Variants in TRPC4 observed in about 807,000 individuals in gnomAD.
The protein encoded by TRPC4 is short transient receptor potential channel 4.
Under a neutral mutation model 99.4 loss-of-function variants are expected in TRPC4, and 49 were observed. The ratio of observed to expected loss-of-function variants is 0.49; its 90% CI spans 0.39 to 0.63. The LOEUF is 0.63. Ranked by LOEUF, TRPC4 falls within the 20% of genes least tolerant of loss-of-function variation. The pLI is 0.00. For missense variants in TRPC4, 898 were observed against 1,152.9 expected (o/e 0.78, Z 3.20); for synonymous variants, 454 against 425.9 (o/e 1.07, Z -0.81).
intron 3 of TRPC4, among the ~76,000 whole-genome samples, chr13:37,701,370 C>A (rs1198359255): frequency 6.6e-6 from 1 of 152,124 alleles, no homozygotes; most frequent in Non-Finnish European, 1.5e-5. Context: ...CTCTCCAGCT[C>A]CTCTGCCATC....
intron 2 of TRPC4, among the ~76,000 whole-genome samples, chr13:37,760,473 A>T (rs974873663): frequency 3.3e-5 from 5 of 151,972 alleles, no homozygotes; most frequent in Non-Finnish European, 7.4e-5. Flanking sequence ...ACTTTCCTAC[A>T]AGTCAAGAGG....
chr13:37,812,525 A>T (rs1957732714), intron 1 of TRPC4, among the ~76,000 whole-genome samples: 1 of 152,038 alleles, frequency 6.6e-6, no homozygotes, highest in Non-Finnish European at 1.5e-5. Flanking sequence ...TCAATGGCAG[A>T]TTAGATATTG....
chr13:37,860,894 T>C (rs1959266007), intron 1 of TRPC4, among the ~76,000 whole-genome samples: 1 of 151,462 alleles, frequency 6.6e-6, no homozygotes. Context: ...GCAGTCGCTG[T>C]CTTCGGTTTA....
intron 8 of TRPC4, among the ~76,000 whole-genome samples, chr13:37,650,702 A>G (rs1403876472): frequency 6.6e-6 from 1 of 151,894 alleles, no homozygotes; most frequent in African/African-American, 2.4e-5. Context: ...CAACATGTTG[A>G]GTAATTACAC....
chr13:37,833,356 G>T (rs1263258221), intron 1 of TRPC4, among the ~76,000 whole-genome samples: 1 of 152,170 alleles, frequency 6.6e-6, no homozygotes, highest in African/African-American at 2.4e-5. Context: ...GCTTGGACAA[G>T]CTATTTGATA....
intron 1 of TRPC4, among the ~76,000 whole-genome samples, chr13:37,865,401 G>A (rs995427871): frequency 1.3e-5 from 2 of 151,420 alleles, no homozygotes; most frequent in Admixed American, 6.6e-5. Flanking sequence ...AAGCTCATGA[G>A]TATTTCTAAA....
At chr13:37,696,185 T>G (rs1953898524) in intron 3 of TRPC4, among the ~76,000 whole-genome samples, 5 of 152,038 alleles carry the variant, frequency 3.3e-5, no homozygotes, top group Admixed American at 3.3e-4. Context: ...TCAGATCTCA[T>G]GAGACTTATT....
rs147184470 is a variant in TRPC4 at position 37,635,121 on chromosome 13, G to T, written c.*1782C>A. ...ATTTTATATTTTGCACACTTCTCTT[G>T]CTTTAGAAGAAGGGACTCTTATGAA... On this transcript the variant is annotated 3_prime_UTR_variant, in exon 11 of 11. Transcript: ENST00000379705. 7.0e-4 allele frequency among the ~76,000 whole-genome samples: 106 copies of T among 152,188 alleles called. 1 individual carries two copies. The highest frequency in any genetic ancestry group is 2.5e-3 in the African/African-American group (104 of 41,528).
chr13:37,758,439 T>A (rs761602942), intron 2 of TRPC4, among the ~76,000 whole-genome samples: 2 of 151,726 alleles, frequency 1.3e-5, no homozygotes, highest in African/African-American at 4.8e-5. Flanking sequence ...CCAAAACCAG[T>A]AGCAAAACTC....
In TRPC4 at chr13:37,692,227, T is replaced by C. The variant is rs766134414; in HGVS notation, c.1006A>G (p.Ile336Val). ...GAGAAGACAGGAAAAAGAAGTCCTA[T>C]TATGAAACATGTCACCATCTTCACT... ...WAVKMVTCFI[I>V]GLLFPVFSVC... is the part of the protein sequence containing the mutation. Residue 336 changes from isoleucine (I) to valine (V), a missense_variant, in exon 4 of 11, where the codon ATA becomes GTA. Ile to Val is a conservative substitution (Grantham distance 29). This residue lies in a region of TRPC4 where 274 missense variants were observed against 454.9 expected (regional missense o/e 0.60). Coordinates refer to ENST00000379705, the MANE Select transcript of TRPC4 (RefSeq NM_016179.4). 13 of 1,614,058 alleles carry C rather than the reference T, an allele frequency of 8.1e-6. No homozygotes were observed. Among genetic ancestry groups the C allele is most frequent in the Admixed American group, 1.7e-5 (1 of 60,002 alleles).
At chr13:37,792,888 T>G (rs923256148) in intron 1 of TRPC4, among the ~76,000 whole-genome samples, 2 of 152,130 alleles carry the variant, frequency 1.3e-5, no homozygotes, top group African/African-American at 4.8e-5. Flanking sequence ...TTATTGCAAA[T>G]GTAAGAAAAG....
intron 5 of TRPC4, among the ~76,000 whole-genome samples, chr13:37,665,129 A>T (rs1246786697): frequency 6.6e-6 from 1 of 152,166 alleles, no homozygotes; most frequent in African/African-American, 2.4e-5. Flanking sequence ...AACATTACCT[A>T]ATTCTCTGCT....
intron 1 of TRPC4, among the ~76,000 whole-genome samples, chr13:37,864,987 C>T (rs1052583615): frequency 2.0e-5 from 3 of 151,742 alleles, no homozygotes; most frequent in Non-Finnish European, 4.4e-5. Flanking sequence ...CAAATATCTA[C>T]TGAATGGATA....
chr13:37,715,956 C>T (rs1163889111), intron 3 of TRPC4, among the ~76,000 whole-genome samples: 1 of 152,196 alleles, frequency 6.6e-6, no homozygotes, highest in African/African-American at 2.4e-5. Context: ...GAATGTGCCT[C>T]AGTGCCCCAC....
intron 1 of TRPC4, among the ~76,000 whole-genome samples, chr13:37,855,382 T>G (rs1959164971): frequency 1.4e-5 from 2 of 146,038 alleles, no homozygotes; most frequent in South Asian, 2.2e-4. Flanking sequence ...AGCACCCAGA[T>G]AGAAAAACAT....
At chr13:37,680,455 A>C (rs980817002) in intron 4 of TRPC4, among the ~76,000 whole-genome samples, 1 of 152,192 alleles carries the variant, frequency 6.6e-6, no homozygotes, top group Non-Finnish European at 1.5e-5. Context: ...TTTGGATTAC[A>C]TGGCTTTTAC....
chr13:37,654,827 A>G (rs947889110), intron 7 of TRPC4, among the ~76,000 whole-genome samples: 3 of 152,262 alleles, frequency 2.0e-5, no homozygotes, highest in South Asian at 2.1e-4. Flanking sequence ...CTCAGCTACT[A>G]CTTCCCATAG....
Position 37,850,890 on chromosome 13 carries a change from C to T in TRPC4, c.-28+18705G>A, listed in dbSNP as rs778765152. On this transcript the variant is annotated intron_variant, in intron 1 of 10. Coordinates refer to ENST00000379705, the MANE Select transcript of TRPC4 (RefSeq NM_016179.4). ...GGCATTTGTCAAGGCAACAAGAACA[C>T]GTAATTCCCACGTCCTGGTGAAAAG... 5.0e-4 allele frequency among the ~76,000 whole-genome samples: 76 copies of T among 152,112 alleles called. 1 individual carries two copies. Among genetic ancestry groups the T allele is most frequent in the Non-Finnish European group, 7.3e-4 (50 of 68,034 alleles).
intron 1 of TRPC4, among the ~76,000 whole-genome samples, chr13:37,850,160 A>T (rs1959018574): frequency 6.6e-6 from 1 of 152,214 alleles, no homozygotes; most frequent in African/African-American, 2.4e-5. Flanking sequence ...CACATGCAGT[A>T]GTGAGCTGTA....
Sources: allele counts gnomAD v4.1 joint callset (sites outside exome capture counted in the v4.1 genomes callset), GRCh38; gene constraint gnomAD v4.1.1; regional missense constraint gnomAD v4.1.1; transcripts MANE v1.5; gene names NCBI Gene and HGNC (gene_info 2026-07-23, HGNC 2026-07-21).